The following MIAT variants were observed in gnomAD, a reference collection of about 807,000 sequenced individuals.
MIAT encodes the protein myocardial infarction associated transcript.
downstream of MIAT, chr22:26,673,653 CT>C (rs1240895201): frequency 4.7e-6 from 1 of 213,568 alleles, no homozygotes; most frequent in East Asian, 5.4e-5. Flanking sequence ...CAGCTTTGAA[CT>C]TGGCTAACAC....
chr22:26,662,678 G>A (rs5997111), intron 2 of MIAT, among the ~76,000 whole-genome samples: 3,447 of 152,276 alleles, frequency 0.023, 140 homozygotes, highest in African/African-American at 0.079. Flanking sequence ...ATCTCTGGGT[G>A]CTGGCTCATC....
At chr22:26,674,697 T>G (rs1257317843) in exon 5 of MIAT, 1 of 398,560 alleles carries the variant, frequency 2.5e-6, no homozygotes, top group East Asian at 3.6e-5. Flanking sequence ...GGCAGGGACC[T>G]TGGATGGGGT....
chr22:26,669,513 T>C, exon 6 of MIAT: 1 of 398,648 alleles, frequency 2.5e-6, no homozygotes, highest in Non-Finnish European at 4.4e-6. Context: ...AATATCACCA[T>C]ATTAGGGCTT....
At chr22:26,656,020 T>G (rs931234607) in intron 2 of MIAT, 31 of 153,702 alleles carry the variant, frequency 2.0e-4, no homozygotes, top group Admixed American at 3.9e-4. Flanking sequence ...TTCTTTTCTT[T>G]TTTTTTTTCA....
At chr22:26,648,345 C>A (rs1930274887) in intron 2 of MIAT, among the ~76,000 whole-genome samples, 1 of 152,164 alleles carries the variant, frequency 6.6e-6, no homozygotes, top group Non-Finnish European at 1.5e-5. Context: ...GGGATGGAGA[C>A]ACGGCCCTGC....
chr22:26,672,056 G>A (rs935082134), downstream of MIAT: 3 of 399,156 alleles, frequency 7.5e-6, no homozygotes, highest in Non-Finnish European at 1.3e-5. Flanking sequence ...AACCCCTGGG[G>A]TGCCTCAACT....
At chr22:26,664,239 T>C (rs1930770210) in intron 3 of MIAT, among the ~76,000 whole-genome samples, 1 of 152,188 alleles carries the variant, frequency 6.6e-6, no homozygotes, top group Non-Finnish European at 1.5e-5. Flanking sequence ...CTCGAACTCC[T>C]GACCTCGAGT....
intron 2 of MIAT, among the ~76,000 whole-genome samples, chr22:26,660,391 C>T (rs1930620483): frequency 6.7e-6 from 1 of 148,378 alleles, no homozygotes; most frequent in Non-Finnish European, 1.5e-5. Flanking sequence ...TCACTTGAAC[C>T]CAGGAGGCGG....
At chr22:26,654,741 C>T (rs536874737) in intron 2 of MIAT, among the ~76,000 whole-genome samples, 1 of 152,170 alleles carries the variant, frequency 6.6e-6, no homozygotes, top group South Asian at 2.1e-4. Flanking sequence ...GAGACAGAGT[C>T]TCACTTTGTT....
At chr22:26,648,378 G>T (rs886688986) in intron 2 of MIAT, among the ~76,000 whole-genome samples, 2 of 152,132 alleles carry the variant, frequency 1.3e-5, no homozygotes, top group Admixed American at 6.5e-5. Context: ...AAGCGCACAC[G>T]CTGGAGACAA....
At chr22:26,662,301 G>T (rs184799773) in intron 2 of MIAT, among the ~76,000 whole-genome samples, 28 of 152,174 alleles carry the variant, frequency 1.8e-4, no homozygotes, top group Admixed American at 1.1e-3. Flanking sequence ...GGGTCCAAGA[G>T]GCCTGTTTAG....
exon 6 of MIAT, chr22:26,668,220 G>A (rs1930920748): frequency 5.0e-6 from 2 of 398,576 alleles, no homozygotes; most frequent in Non-Finnish European, 8.8e-6. Flanking sequence ...GACCTCGGGT[G>A]ACCTTGGATT....
chr22:26,655,620 CTTGCCTAAGGTCACAT>C (rs1388462223), intron 2 of MIAT, among the ~76,000 whole-genome samples: 2 of 152,170 alleles, frequency 1.3e-5, no homozygotes, highest in East Asian at 3.8e-4. Context: ...GGGTGTGGAG[CTTGCCTAAGGTCACAT>C]TTGGTCAGAG....
exon 4 of MIAT, chr22:26,665,722 G>T: frequency 2.5e-6 from 1 of 398,670 alleles, no homozygotes; most frequent in Non-Finnish European, 4.4e-6. Context: ...GAGGGGAAAT[G>T]GGTGATGTAG....
downstream of MIAT, chr22:26,672,740 G>A (rs1267901130): frequency 1.0e-5 from 4 of 398,938 alleles, no homozygotes; most frequent in Non-Finnish European, 8.8e-6. Context: ...GTCCCACACC[G>A]GAAGTCAGAA....
At chr22:26,673,770 C>T (rs1333246427), downstream of MIAT, 4 of 398,402 alleles carry the variant, frequency 1.0e-5, no homozygotes, top group Admixed American at 4.4e-5. Context: ...AATCAGAAGT[C>T]GGTAAAGATG....
chr22:26,657,121 G>A (rs1930484957), intron 2 of MIAT: 1 of 181,398 alleles, frequency 5.5e-6, no homozygotes, highest in African/African-American at 2.3e-5. Context: ...CTTACTCCGG[G>A]GTTCAGGCTT....
At chr22:26,674,897 C>A in exon 5 of MIAT, 1 of 398,676 alleles carries the variant, frequency 2.5e-6, no homozygotes, top group Non-Finnish European at 4.4e-6. Flanking sequence ...TGGGCTTTTT[C>A]GTCATGGTGC....
At chr22:26,661,440 G>A (rs1187951855) in intron 2 of MIAT, among the ~76,000 whole-genome samples, 1 of 152,144 alleles carries the variant, frequency 6.6e-6, no homozygotes, top group Admixed American at 6.5e-5. Context: ...GAAGGGAGGC[G>A]GGTGCTGAGC....
Sources: allele counts gnomAD v4.1 joint callset (sites outside exome capture counted in the v4.1 genomes callset), GRCh38; gene constraint gnomAD v4.1.1; transcripts MANE v1.5; gene names NCBI Gene and HGNC (gene_info 2026-07-23, HGNC 2026-07-21).